DIS3L2: variants seen among roughly 807,000 people sequenced by gnomAD.
The protein encoded by DIS3L2 is DIS3-like exonuclease 2.
A neutral mutation model predicts 97.5 loss-of-function variants in DIS3L2; 34 were observed. That is an observed-to-expected ratio of 0.35 (90% confidence interval 0.27 to 0.46). The LOEUF is 0.46. Ranked by LOEUF, DIS3L2 falls within the 20% of genes least tolerant of loss-of-function variation. The pLI is 1.00. For synonymous variants in DIS3L2, 435 were observed against 445.2 expected, an observed-to-expected ratio of 0.98 and a Z score of 0.29; for missense variants, 1,038 against 1,146.0, an observed-to-expected ratio of 0.91 and a Z score of 1.36.
intron 1 of DIS3L2, among the ~76,000 whole-genome samples, chr2:231,992,636 G>C (rs1180375024): frequency 4.0e-5 from 6 of 151,414 alleles, no homozygotes; most frequent in Non-Finnish European, 7.4e-5. Context: ...CTTCCCCCTT[G>C]CACCTCTCAC....
At chr2:231,974,306 A>T (rs1693011323) in intron 1 of DIS3L2, among the ~76,000 whole-genome samples, 1 of 152,172 alleles carries the variant, frequency 6.6e-6, no homozygotes, top group Admixed American at 6.5e-5. Flanking sequence ...GGCTCTAAGT[A>T]GTGGAGCAAA....
downstream of DIS3L2, among the ~76,000 whole-genome samples, chr2:232,341,291 A>T (rs1696095901): frequency 1.3e-5 from 2 of 152,156 alleles, no homozygotes; most frequent in South Asian, 4.1e-4. Context: ...GTGCCTGGCA[A>T]CCCGCCCCGG....
At chr2:232,100,987 G>A (rs1409335894) in intron 6 of DIS3L2, among the ~76,000 whole-genome samples, 1 of 152,104 alleles carries the variant, frequency 6.6e-6, no homozygotes, top group Non-Finnish European at 1.5e-5. Flanking sequence ...TGTAATGCCA[G>A]CACTTTGGGA....
At chr2:232,164,417 A>G (rs577595273) in intron 9 of DIS3L2, among the ~76,000 whole-genome samples, 39 of 152,314 alleles carry the variant, frequency 2.6e-4, no homozygotes, top group African/African-American at 8.4e-4. Context: ...TGGATGCCAC[A>G]TGGAGATATT....
chr2:232,181,875 C>T (rs569496467), intron 9 of DIS3L2, among the ~76,000 whole-genome samples: 92 of 152,222 alleles, frequency 6.0e-4, no homozygotes, highest in African/African-American at 2.1e-3. Context: ...TGGTCTCGAG[C>T]GCCTGACCTC....
chr2:232,115,387 A>G (rs767453991), intron 6 of DIS3L2, among the ~76,000 whole-genome samples: 2 of 152,178 alleles, frequency 1.3e-5, no homozygotes, highest in Non-Finnish European at 2.9e-5. Flanking sequence ...TCTTTATGTC[A>G]TACGAATGTA....
In DIS3L2 at chr2:232,319,600, A is replaced by G. The variant is rs73995225; in HGVS notation, c.1740-10213A>G. ...GCTACAGCCTCTACCAGGAACAACAATTCTCACCCAGGGGAGGCCTGAAGG... is the reference window on the plus strand; with the variant it reads ...GCTACAGCCTCTACCAGGAACAACAGTTCTCACCCAGGGGAGGCCTGAAGG... On this transcript the variant is annotated intron_variant, in intron 14 of 20. Transcript: ENST00000325385. Among the ~76,000 whole-genome samples, 1,045 of 152,220 alleles carry G rather than the reference A, an allele frequency of 6.9e-3. 19 individuals carry two copies. The highest frequency in any genetic ancestry group is 0.023 in the African/African-American group (969 of 41,534).
At chr2:232,096,418 T>C (rs1034665758) in intron 6 of DIS3L2, among the ~76,000 whole-genome samples, 5 of 152,164 alleles carry the variant, frequency 3.3e-5, no homozygotes, top group African/African-American at 1.2e-4. Context: ...TTAAATCTGC[T>C]TGGTGTTCTA....
At chr2:232,082,676 C>T (rs1696440325) in intron 5 of DIS3L2, among the ~76,000 whole-genome samples, 1 of 152,146 alleles carries the variant, frequency 6.6e-6, no homozygotes, top group Non-Finnish European at 1.5e-5. Context: ...GGTTTAGTAA[C>T]TCAAAAGTGA....
At chr2:232,159,082 G>A (rs750444020) in intron 8 of DIS3L2, among the ~76,000 whole-genome samples, 2 of 152,104 alleles carry the variant, frequency 1.3e-5, no homozygotes, top group Non-Finnish European at 2.9e-5. Context: ...GTCTTTAATT[G>A]TCTGGGTTCC....
chr2:232,217,979 CTG>C (rs1468397608), intron 10 of DIS3L2, among the ~76,000 whole-genome samples: 1 of 152,238 alleles, frequency 6.6e-6, no homozygotes, highest in African/African-American at 2.4e-5. Context: ...CTTGGCCTCT[CTG>C]TGCAGCATTC....
intron 5 of DIS3L2, among the ~76,000 whole-genome samples, chr2:232,053,481 G>A (rs1695463215): frequency 6.6e-6 from 1 of 152,068 alleles, no homozygotes; most frequent in Non-Finnish European, 1.5e-5. Context: ...CTGACACTAC[G>A]CAGAGTTAGC....
intron 9 of DIS3L2, among the ~76,000 whole-genome samples, chr2:232,186,618 C>G (rs1382465286): frequency 6.6e-6 from 1 of 152,182 alleles, no homozygotes; most frequent in African/African-American, 2.4e-5. Flanking sequence ...ACCAATATCC[C>G]TCCTGAGCTC....
intron 13 of DIS3L2, among the ~76,000 whole-genome samples, chr2:232,273,414 A>G (rs1330375987): frequency 2.0e-5 from 3 of 152,182 alleles, no homozygotes; most frequent in Non-Finnish European, 4.4e-5. Context: ...AAAAAAGATG[A>G]TGGTAGCTGT....
Position 232,335,829 on chromosome 2 carries a change from G to T in DIS3L2, c.2451G>T (p.Thr817=). The change falls in exon 20 of 21, where the codon ACG becomes ACT. Residue 817 remains threonine, a synonymous_variant. Coordinates refer to ENST00000325385, the MANE Select transcript of DIS3L2 (RefSeq NM_152383.5). The stretch of plus-strand genomic sequence containing the variant: ...AGGTGGGCAAGAAGCCGGAACTCAC[G>T]CTGGTCTGGGAGCCTGAGGACATGG... ...FQKVGKKPEL[T]LVWEPEDMEQ... 1.9e-6 allele frequency: 3 copies of T among 1,550,892 alleles called. No individual in the cohort carries two copies. Among genetic ancestry groups the T allele is most frequent in the Non-Finnish European group, 2.6e-6 (3 of 1,147,054 alleles).
chr2:232,224,737 G>C (rs1352368506), intron 10 of DIS3L2, among the ~76,000 whole-genome samples: 1 of 151,912 alleles, frequency 6.6e-6, no homozygotes. Context: ...TACTCGGGAG[G>C]CTGAGGCATG....
At chr2:232,282,118 C>G (rs1694305272) in intron 13 of DIS3L2, among the ~76,000 whole-genome samples, 1 of 143,818 alleles carries the variant, frequency 7.0e-6, no homozygotes, top group Non-Finnish European at 1.5e-5. Flanking sequence ...CTCTGTCTTT[C>G]CAGCTGAGCC....
chr2:232,047,222 A>G (rs950415868), intron 5 of DIS3L2, among the ~76,000 whole-genome samples: 4 of 152,238 alleles, frequency 2.6e-5, no homozygotes, highest in Non-Finnish European at 5.9e-5. Flanking sequence ...GCACCTCCTC[A>G]TAACTTGAGT....
Position 232,337,050 on chromosome 2 carries a change from T to G in DIS3L2, c.*420T>G. The G allele has an allele frequency of 3.8e-6, 4 of 1,058,658 alleles. No homozygotes were observed. The highest frequency in any genetic ancestry group is 4.6e-6 in the Non-Finnish European group (4 of 876,012). 65.6% of individuals were successfully genotyped at this position (1,058,658 alleles called of 1,614,324 possible). ...TTGCACCCAGGGCAAGGGACCCAGTTCAGGCTTCACCCCTCGCTGCTGAGC... is the reference window on the plus strand; with the variant it reads ...TTGCACCCAGGGCAAGGGACCCAGTGCAGGCTTCACCCCTCGCTGCTGAGC... On this transcript the variant is annotated 3_prime_UTR_variant, in exon 21 of 21. Coordinates refer to ENST00000325385, the MANE Select transcript of DIS3L2 (RefSeq NM_152383.5).
Sources: allele counts gnomAD v4.1 joint callset (sites outside exome capture counted in the v4.1 genomes callset), GRCh38; gene constraint gnomAD v4.1.1; transcripts MANE v1.5; gene names NCBI Gene and HGNC (gene_info 2026-07-23, HGNC 2026-07-21).